ATRAID: variants seen among roughly 807,000 people sequenced by gnomAD.
ATRAID encodes all-trans retinoic acid induced differentiation factor.
A neutral mutation model predicts 28.8 loss-of-function variants in ATRAID; 26 were observed. That is an observed-to-expected ratio of 0.90 (90% CI 0.66 to 1.25). The LOEUF (loss-of-function observed/expected upper bound fraction) is 1.25. ATRAID is among the 50% of genes most tolerant of loss of function. The probability of loss-of-function intolerance (pLI) is 0.00; values close to 1 mark genes in which losing one functional copy is unlikely to be tolerated. For synonymous variants in ATRAID, 131 were observed against 108.5 expected, an observed-to-expected ratio of 1.21 and a Z score of -1.29; for missense variants, 308 against 285.9, an observed-to-expected ratio of 1.08 and a Z score of -0.56.
Position 27,212,353 on chromosome 2 carries a change from A to G in ATRAID, c.-16A>G. 6.5e-7 allele frequency: 1 copy of G among 1,550,216 alleles called. No homozygotes were observed. Among genetic ancestry groups the G allele is most frequent in the Middle Eastern group, 1.7e-4 (1 of 5,864 alleles). ...GGCCGGGTCGCGCGAGCAGCGGAGC[A>G]CCAAGGGAACGGAAAATGGCGCCTC... On this transcript the variant is annotated 5_prime_UTR_variant, in exon 1 of 7. Coordinates refer to ENST00000380171, the MANE Select transcript of ATRAID (RefSeq NM_001170795.4).
rs1674883260 is a variant in ATRAID, at chr2:27,217,123, G to A, written c.*175G>A. ...TGTAGACAAATACCAGTTCCCATTG[G>A]TGTTGTTGCCTATAATAAACACTTT... On this transcript the variant is annotated 3_prime_UTR_variant, in exon 7 of 7. Coordinates refer to ENST00000380171, the MANE Select transcript of ATRAID (RefSeq NM_001170795.4). The A allele has an allele frequency of 5.3e-6, 3 of 565,736 alleles. No homozygotes were observed. Among genetic ancestry groups the A allele is most frequent in the South Asian group, 4.9e-5 (2 of 40,878 alleles). 35.0% of individuals were successfully genotyped at this position (565,736 alleles called of 1,614,324 possible). A position where few individuals can be genotyped will look rare whatever the true frequency, so the allele number is the denominator to read the frequency against.
At chr2:27,215,256 C>A in intron 2 of ATRAID, 65 bp from the exon 3 acceptor site, 12 of 1,527,142 alleles carry the variant, frequency 7.9e-6, no homozygotes, top group Non-Finnish European at 1.1e-5. Context: ...TAGTCAAATA[C>A]AAACTGTGCC....
At chr2:27,216,471 A>G in intron 5 of ATRAID, 52 bp from the exon 6 acceptor site, 1 of 1,327,390 alleles carries the variant, frequency 7.5e-7, no homozygotes, top group Non-Finnish European at 1.1e-6. Context: ...ATTGAGAAAT[A>G]TGCCTAATGA....
intron 1 of ATRAID, chr2:27,212,780 C>A: frequency 1.4e-6 from 1 of 715,006 alleles, no homozygotes; most frequent in Non-Finnish European, 2.0e-6. Context: ...CGCCATATAT[C>A]GTGCGGTGGT....
chr2:27,213,046 C>T (rs888069461), intron 1 of ATRAID, 131 bp from the exon 2 acceptor site: 2 of 1,146,656 alleles, frequency 1.7e-6, no homozygotes, highest in East Asian at 4.8e-5. Context: ...GGGACACGAG[C>T]CGTTTATCCA....
Position 27,215,342 on chromosome 2 carries a change from T to C in ATRAID, c.243T>C (p.Ser81=), listed in dbSNP as rs1674779347. The C allele has an allele frequency of 1.2e-6, 2 of 1,614,202 alleles. No individual in the cohort carries two copies. The highest frequency in any genetic ancestry group is 2.2e-5 in the South Asian group (2 of 91,080). ...TCAGGCTGGATCTCCAGAACTGTTC[T>C]CTGGAGGACCCTGGTCCAAACTTTC... ...TILGLDLQNC[S]LEDPGPNFHQ... is the part of the protein sequence containing the mutation. The change falls in exon 3 of 7, where the codon TCT becomes TCC. Residue 81 remains serine (S), a synonymous_variant. Coordinates refer to ENST00000380171, the MANE Select transcript of ATRAID (RefSeq NM_001170795.4).
intron 1 of ATRAID, chr2:27,212,723 T>C: frequency 1.7e-6 from 2 of 1,163,616 alleles, no homozygotes; most frequent in Non-Finnish European, 1.1e-6. Flanking sequence ...TTAAGTTCTT[T>C]CTACAGACGG....
rs1674868796 is a variant in ATRAID at position 27,216,897 on chromosome 2, C to CTT, written c.639_640insTT (p.Val214LeufsTer25). 2 of 1,614,166 alleles carry CTT rather than the reference C, an allele frequency of 1.2e-6. No homozygotes were observed. The highest frequency in any genetic ancestry group is 4.5e-5 in the East Asian group (2 of 44,872). On this transcript the variant is annotated frameshift_variant, in exon 7 of 7. Coordinates refer to ENST00000380171, the MANE Select transcript of ATRAID (RefSeq NM_001170795.4). LOFTEE classifies it high-confidence loss of function. ...GGATTCTGGGAGCCACCACTCTATC[C>CTT]GTCTCCATTCTGCTTTGGGCGACCC...
In ATRAID at chr2:27,212,172, C is replaced by T. The variant is rs200494777; in HGVS notation, c.-197C>T. 2.8e-5 allele frequency: 43 copies of T among 1,536,466 alleles called. No individual in the cohort carries two copies. The Admixed American group carries it at 5.3e-4, about 19-fold the overall frequency. On this transcript the variant is annotated 5_prime_UTR_variant, in exon 1 of 7. Transcript: ENST00000380171. ...CTAAAGGGGAAAAGGAAGAGGGGGT[C>T]GGCCAGTATCCCCGAAAGAGGGCTA...
chr2:27,216,027 G>A (rs1394567246), intron 5 of ATRAID, among the ~76,000 whole-genome samples: 1 of 152,224 alleles, frequency 6.6e-6, no homozygotes, highest in Non-Finnish European at 1.5e-5. Context: ...AGCAAAGGGT[G>A]GTGGGATTAT....
At chr2:27,212,541 C>T (rs1373226809) in intron 1 of ATRAID, 74 bp downstream of exon 1, 6 of 1,501,054 alleles carry the variant, frequency 4.0e-6, no homozygotes, top group Non-Finnish European at 5.3e-6. Context: ...CCAGCGGCTC[C>T]CCCTTCTCCT....
chr2:27,216,365 A>G lies in ATRAID; in HGVS notation c.488-158A>G, dbSNP rs549474810. 1.8e-5 allele frequency: 12 copies of G among 655,592 alleles called. No individual in the cohort carries two copies. In the East Asian group the frequency reaches 2.6e-4, roughly 14 times the overall value. The allele number at this position is 655,592 out of a possible 1,614,324, so 40.6% of individuals were successfully genotyped here. A position where few individuals can be genotyped will look rare whatever the true frequency, so the allele number is the denominator to read the frequency against. On this transcript the variant is annotated intron_variant, in intron 5 of 6. Coordinates refer to ENST00000380171, the MANE Select transcript of ATRAID (RefSeq NM_001170795.4). ...GGATATGATAGCTTAGCTTGGGCTC[A>G]GAGGCCTGACATTATTGTTACTGTT...
chr2:27,215,637 T>C lies in ATRAID; in HGVS notation c.371T>C (p.Leu124Pro). 1.2e-6 allele frequency: 2 copies of C among 1,614,252 alleles called. No homozygotes were observed. The highest frequency in any genetic ancestry group is 1.7e-6 in the Non-Finnish European group (2 of 1,180,050). The change falls in exon 5 of 7, where the codon CTG becomes CCG. Residue 124 changes from leucine (L) to proline (P), a missense_variant. Transcript: ENST00000380171. ...RGFTQLQTLI[L>P]PQHVNCPGGI... The stretch of plus-strand genomic sequence containing the variant: ...ATGACCACATTTCTCTATAGGATAC[T>C]GCCACAACATGTCAACTGTCCTGGA...
rs369544433 is a variant in ATRAID, at chr2:27,212,345, A to C, written c.-24A>C. ...GGCCGCGGGGCCGGGTCGCGCGAGCAGCGGAGCACCAAGGGAACGGAAAAT... is the reference window on the plus strand; with the variant it reads ...GGCCGCGGGGCCGGGTCGCGCGAGCCGCGGAGCACCAAGGGAACGGAAAAT... On this transcript the variant is annotated 5_prime_UTR_variant, in exon 1 of 7. Transcript: ENST00000380171. 1.9e-6 allele frequency: 3 copies of C among 1,549,576 alleles called. No individual in the cohort carries two copies. The highest frequency in any genetic ancestry group is 2.6e-6 in the Non-Finnish European group (3 of 1,146,394).
intron 2 of ATRAID, 51 bp from the exon 3 acceptor site, chr2:27,215,270 G>A (rs751553119): frequency 1.3e-6 from 2 of 1,573,054 alleles, no homozygotes; most frequent in Non-Finnish European, 1.7e-6. Flanking sequence ...CTGTGCCGTG[G>A]CTGAAGAAAA....
chr2:27,215,888 A>G, intron 5 of ATRAID, 135 bp downstream of exon 5: 1 of 1,180,664 alleles, frequency 8.5e-7, no homozygotes, highest in Non-Finnish European at 1.2e-6. Flanking sequence ...GAAAGAAAAG[A>G]TCTTAAGATA....
Position 27,212,067 on chromosome 2 carries a change from C to G in ATRAID, c.-302C>G. On this transcript the variant is annotated 5_prime_UTR_variant, in exon 1 of 7. Coordinates refer to ENST00000380171, the MANE Select transcript of ATRAID (RefSeq NM_001170795.4). The stretch of plus-strand genomic sequence containing the variant: ...AGTTTCTGCGAAGCCGCGACCTCGG[C>G]GTCCGGACGCGGGGAACACCGGGCT... The G allele has an allele frequency of 8.4e-7, 1 of 1,191,938 alleles. No homozygotes were observed. The highest frequency in any genetic ancestry group is 1.1e-6 in the Non-Finnish European group (1 of 876,602). 73.8% of individuals were successfully genotyped at this position (1,191,938 alleles called of 1,614,324 possible).
At chr2:27,213,136 C>G in intron 1 of ATRAID, 41 bp from the exon 2 acceptor site, 1 of 1,588,294 alleles carries the variant, frequency 6.3e-7, no homozygotes, top group East Asian at 2.3e-5. Context: ...CTTTTCTTGG[C>G]TTTTCTTTCT....
intron 1 of ATRAID, 23 bp downstream of exon 1, chr2:27,212,490 G>C: frequency 6.4e-7 from 1 of 1,551,350 alleles, no homozygotes; most frequent in Non-Finnish European, 8.7e-7. Context: ...GTTTGAGGTC[G>C]GGCTGAAGCA....
Sources: allele counts gnomAD v4.1 joint callset (sites outside exome capture counted in the v4.1 genomes callset), GRCh38; gene constraint gnomAD v4.1.1; transcripts MANE v1.5; gene names NCBI Gene and HGNC (gene_info 2026-07-23, HGNC 2026-07-21).